The following TRERF1 variants were observed in gnomAD, a reference collection of about 807,000 sequenced individuals.
TRERF1 encodes transcriptional regulating factor 1, also known as transcriptional-regulating factor 1.
TRERF1 carries 27 observed loss-of-function variants against 122.9 expected under a neutral mutation model. The ratio of observed to expected loss-of-function variants is 0.22; its 90% CI spans 0.16 to 0.30. TRERF1 has a LOEUF of 0.30. Among genes scored for constraint, TRERF1 ranks in the 10% least tolerant of loss-of-function variants. The pLI is 1.00. For synonymous variants in TRERF1, 636 were observed against 641.7 expected, an observed-to-expected ratio of 0.99 and a Z score of 0.13; for missense variants, 1,248 against 1,560.3, an observed-to-expected ratio of 0.80 and a Z score of 3.37.
At chr6:42,374,728 C>A (rs1774499865) in intron 2 of TRERF1, among the ~76,000 whole-genome samples, 1 of 152,030 alleles carries the variant, frequency 6.6e-6, no homozygotes, top group Non-Finnish European at 1.5e-5. Context: ...AAGCACCTGG[C>A]CAGGTGTGGT....
chr6:42,233,281 C>CTTTTTTT (rs926204150), intron 16 of TRERF1, among the ~76,000 whole-genome samples: 4 of 128,984 alleles, frequency 3.1e-5, no homozygotes, highest in African/African-American at 5.8e-5. Context: ...AGCTTTCAAA[C>CTTTTTTT]TTTTTTTTTT....
chr6:42,331,815 C>G (rs1044181375), intron 3 of TRERF1, among the ~76,000 whole-genome samples: 1 of 152,210 alleles, frequency 6.6e-6, no homozygotes, highest in Non-Finnish European at 1.5e-5. Flanking sequence ...CCCAGGCCCA[C>G]GCGGGCCATG....
intron 3 of TRERF1, among the ~76,000 whole-genome samples, chr6:42,332,646 C>T (rs113382867): frequency 2.0e-5 from 3 of 152,336 alleles, no homozygotes; most frequent in Non-Finnish European, 4.4e-5. Context: ...CCACTGTAAC[C>T]TTCACCTCTG....
chr6:42,443,703 G>A (rs1167747254), intron 2 of TRERF1, among the ~76,000 whole-genome samples: 1 of 152,144 alleles, frequency 6.6e-6, no homozygotes. Flanking sequence ...GCATTTCTGA[G>A]GCCAGCCTTC....
intron 4 of TRERF1, among the ~76,000 whole-genome samples, chr6:42,293,115 T>A (rs1784561769): frequency 6.6e-6 from 1 of 152,204 alleles, no homozygotes; most frequent in Non-Finnish European, 1.5e-5. Context: ...GATGGGCACA[T>A]GGGCCTTCCC....
Position 42,269,514 on chromosome 6 carries a change from A to G in TRERF1, c.77T>C (p.Leu26Pro), listed in dbSNP as rs1481977992. 6.2e-7 allele frequency: 1 copy of G among 1,614,124 alleles called. No homozygotes were observed. Among genetic ancestry groups the G allele is most frequent in the Non-Finnish European group, 8.5e-7 (1 of 1,180,056 alleles). ...GTGGTTCAGCCCGCTGTGGACGCCA[A>G]GTGGTGGCTGTTGGTAGAAAAGGTT... is the stretch of plus-strand genomic sequence containing the variant. The change falls in exon 5 of 18, where the codon CTT becomes CCT. Residue 26 changes from leucine to proline, a missense_variant. Around this residue, in one of 5 missense-constraint regions of TRERF1, gnomAD observed 946 missense variants for 1,073.0 expected, o/e 0.88. Transcript: ENST00000372922. The surrounding 1 kb of genome is among the most constrained non-coding windows in gnomAD (Gnocchi z 4.9).
chr6:42,248,964 C>T (rs1034221721), intron 13 of TRERF1, among the ~76,000 whole-genome samples: 3 of 152,174 alleles, frequency 2.0e-5, no homozygotes, highest in African/African-American at 7.2e-5. Flanking sequence ...GAATCACCAA[C>T]AATTCAGTTC....
rs1779001694 is a variant in TRERF1 at position 42,265,604 on chromosome 6, T to G, written c.1484+147A>C. On this transcript the variant is annotated intron_variant, in intron 6 of 17. Transcript: ENST00000372922. ...TACATAATGCCTAGTGCTTAGCCCA[T>G]AGTATGCACTCAAACACAACAGCTG... 7.0e-6 allele frequency: 6 copies of G among 854,890 alleles called. No homozygotes were observed. The Admixed American group carries it at 1.2e-4, about 16-fold the overall frequency. 53.0% of individuals were successfully genotyped at this position (854,890 alleles called of 1,614,324 possible).
chr6:42,326,027 G>C (rs395986), intron 3 of TRERF1, among the ~76,000 whole-genome samples: 65 of 152,296 alleles, frequency 4.3e-4, no homozygotes, highest in African/African-American at 1.5e-3. Flanking sequence ...TACAAAATGC[G>C]GGAGGGTGGC....
chr6:42,342,713 T>C (rs1767522805), intron 3 of TRERF1, among the ~76,000 whole-genome samples: 1 of 152,210 alleles, frequency 6.6e-6, no homozygotes, highest in South Asian at 2.1e-4. Flanking sequence ...GGACTCACTG[T>C]CTCATAAAGC....
At chr6:42,327,723 C>G (rs1764534239) in intron 3 of TRERF1, among the ~76,000 whole-genome samples, 1 of 152,102 alleles carries the variant, frequency 6.6e-6, no homozygotes, top group South Asian at 2.1e-4. Context: ...GCTAAGAAAA[C>G]CAAGTAAGAT....
intron 2 of TRERF1, among the ~76,000 whole-genome samples, chr6:42,391,459 G>A (rs1777726596): frequency 6.6e-6 from 1 of 152,134 alleles, no homozygotes; most frequent in Non-Finnish European, 1.5e-5. Context: ...AACAATTCTG[G>A]GAGACAGGGT....
chr6:42,371,243 C>T (rs1414012109), intron 2 of TRERF1, among the ~76,000 whole-genome samples: 2 of 152,136 alleles, frequency 1.3e-5, no homozygotes, highest in Non-Finnish European at 2.9e-5. Flanking sequence ...CTGAGCACGT[C>T]CAAGGCCTAG....
chr6:42,311,122 G>T (rs1016923298), intron 3 of TRERF1, among the ~76,000 whole-genome samples: 5 of 152,158 alleles, frequency 3.3e-5, no homozygotes, highest in African/African-American at 1.2e-4. Context: ...CAAATAAAAG[G>T]TCCCTGCCTT....
chr6:42,433,639 A>G (rs1437192887), intron 2 of TRERF1, among the ~76,000 whole-genome samples: 1 of 152,184 alleles, frequency 6.6e-6, no homozygotes, highest in Non-Finnish European at 1.5e-5. Flanking sequence ...CATGTCAGGA[A>G]ATAGGACCAA....
intron 3 of TRERF1, among the ~76,000 whole-genome samples, chr6:42,334,185 G>A (rs1423304110): frequency 6.6e-6 from 1 of 152,068 alleles, no homozygotes; most frequent in Non-Finnish European, 1.5e-5. Context: ...CTTTGGGAAG[G>A]CAAGTGGGAC....
At chr6:42,376,619 T>C (rs1215725654) in intron 2 of TRERF1, among the ~76,000 whole-genome samples, 2 of 145,244 alleles carry the variant, frequency 1.4e-5, no homozygotes, top group Admixed American at 1.4e-4. Flanking sequence ...CTCAGCTCAC[T>C]GCAACGTCTG....
At chr6:42,290,954 G>A (rs114613238) in intron 4 of TRERF1, among the ~76,000 whole-genome samples, 268 of 152,016 alleles carry the variant, frequency 1.8e-3, no homozygotes, top group African/African-American at 6.1e-3. Context: ...GTGTAAAGTC[G>A]CTGAGAAGGA....
intron 15 of TRERF1, among the ~76,000 whole-genome samples, chr6:42,237,305 A>T (rs373148483): frequency 6.6e-6 from 1 of 152,116 alleles, no homozygotes; most frequent in African/African-American, 2.4e-5. Flanking sequence ...CTGGGATGGA[A>T]GGGCAACGAT....
Sources: allele counts gnomAD v4.1 joint callset (sites outside exome capture counted in the v4.1 genomes callset), GRCh38; gene constraint gnomAD v4.1.1; regional missense constraint gnomAD v4.1.1; non-coding constraint Gnocchi (gnomAD v3.1); transcripts MANE v1.5; gene names NCBI Gene and HGNC (gene_info 2026-07-23, HGNC 2026-07-21).